The following ZNF507 variants were observed in gnomAD, a reference collection of about 807,000 sequenced individuals.
ZNF507 encodes zinc finger protein 507.
ZNF507 carries 29 observed loss-of-function variants against 80.0 expected under a neutral mutation model. That is an observed-to-expected ratio of 0.36 (90% confidence interval 0.27 to 0.49). The LOEUF is 0.49. ZNF507 is among the 20% of genes least tolerant of loss of function. The probability of loss-of-function intolerance (pLI) is 0.98; values close to 1 mark genes in which losing one functional copy is unlikely to be tolerated. For synonymous variants in ZNF507, 462 were observed against 422.5 expected, an observed-to-expected ratio of 1.09 and a Z score of -1.15; for missense variants, 1,081 against 1,152.2, an observed-to-expected ratio of 0.94 and a Z score of 0.90.
Position 32,352,896 on chromosome 19 carries a change from T to C in ZNF507, c.66T>C (p.Thr22=). 6.2e-7 allele frequency: 1 copy of C among 1,613,122 alleles called. No individual in the cohort carries two copies. Among genetic ancestry groups the C allele is most frequent in the Non-Finnish European group, 8.5e-7 (1 of 1,179,790 alleles). ...TTGGGGAACAGGAAGCTATACTGAC[T>C]GCTGAAAGTATCATCAGTCCTTCAT... ...PDIGEQEAIL[T]AESIISPSLE... The change falls in exon 3 of 7, where the codon ACT becomes ACC. Residue 22 remains threonine (T), a synonymous_variant. Transcript: ENST00000355898.
intron 2 of ZNF507, among the ~76,000 whole-genome samples, chr19:32,350,592 G>A (rs1967150038): frequency 6.6e-6 from 1 of 152,058 alleles, no homozygotes; most frequent in Admixed American, 6.6e-5. Context: ...ATTTGCACTG[G>A]TCTGTGTCAC....
In ZNF507 at chr19:32,363,810, AG is replaced by A. The variant is rs555002813; in HGVS notation, c.2360+3194del. 4.6e-5 allele frequency among the ~76,000 whole-genome samples: 7 copies of A among 152,332 alleles called. No individual in the cohort carries two copies. In the East Asian group the frequency reaches 1.4e-3, roughly 29 times the overall value. On this transcript the variant is annotated intron_variant, in intron 5 of 6. Coordinates refer to ENST00000355898, the MANE Select transcript of ZNF507 (RefSeq NM_001136156.2). ...AGAAGAATTAATTCTGTGCCAGGGTAGGCAGGCAGAGCTCATTTTACAAAAG... is the reference window on the plus strand; with the variant it reads ...AGAAGAATTAATTCTGTGCCAGGGTAGCAGGCAGAGCTCATTTTACAAAAG...
intron 2 of ZNF507, 136 bp from the exon 3 acceptor site, chr19:32,352,693 T>C (rs1370387739): frequency 1.5e-6 from 1 of 685,688 alleles, no homozygotes; most frequent in Non-Finnish European, 2.3e-6. Context: ...TCGCCGGGTG[T>C]GTGGACATGG....
Position 32,356,602 on chromosome 19 carries a change from T to C in ZNF507, c.2128-14T>C. 1 of 1,589,680 alleles carries C rather than the reference T, an allele frequency of 6.3e-7. No homozygotes were observed. The highest frequency in any genetic ancestry group is 8.6e-7 in the Non-Finnish European group (1 of 1,158,588). ...ATATTTATTGAAAATTACATATTTCTTTCCACTTTTTAGAGTCAATTGAGG... is the reference window on the plus strand; with the variant it reads ...ATATTTATTGAAAATTACATATTTCCTTCCACTTTTTAGAGTCAATTGAGG... On this transcript the variant is annotated splice_polypyrimidine_tract_variant and intron_variant, in intron 3 of 6. Transcript: ENST00000355898.
chr19:32,370,280 G>A (rs549004220), intron 5 of ZNF507, among the ~76,000 whole-genome samples: 27 of 152,306 alleles, frequency 1.8e-4, no homozygotes, highest in African/African-American at 5.8e-4. Flanking sequence ...TTTCTGGGTC[G>A]TGTGGTAGTT....
chr19:32,371,638 TTA>T (rs1491174199), intron 5 of ZNF507, among the ~76,000 whole-genome samples: 2 of 73,566 alleles, frequency 2.7e-5, no homozygotes, highest in Non-Finnish European at 6.8e-5. Flanking sequence ...ATTATTATTA[TTA>T]TTATTTTTTT....
chr19:32,375,670 C>G (rs1347726195), intron 5 of ZNF507, among the ~76,000 whole-genome samples: 1 of 152,162 alleles, frequency 6.6e-6, no homozygotes, highest in African/African-American at 2.4e-5. Flanking sequence ...ACAAGATTAG[C>G]AAAATGCCGA....
In ZNF507 at chr19:32,353,762, A is replaced by G; in HGVS notation, c.932A>G (p.Glu311Gly). Residue 311 changes from glutamate to glycine, a missense_variant, in exon 3 of 7, where the codon GAG (glutamate) becomes GGG (glycine). Glu to Gly is a moderately conservative substitution (Grantham distance 98). Around this residue, in one of 6 missense-constraint regions of ZNF507, gnomAD observed 614 missense variants for 583.9 expected, o/e 1.05. Transcript: ENST00000355898. The stretch of plus-strand genomic sequence containing the variant: ...GATGCAGTCGTCATTGCTATTGGAG[A>G]GAGTGAACTGAGTATCCACAATGGG... Reference protein sequence around the residue: ...GVDAVVIAIGESELSIHNGPS... With the variant: ...GVDAVVIAIGGSELSIHNGPS... The G allele has an allele frequency of 6.2e-7, 1 of 1,614,170 alleles. No individual in the cohort carries two copies. Among genetic ancestry groups the G allele is most frequent in the African/African-American group, 1.3e-5 (1 of 75,040 alleles).
chr19:32,349,328 G>A (rs1967133383), intron 2 of ZNF507, among the ~76,000 whole-genome samples: 1 of 152,228 alleles, frequency 6.6e-6, no homozygotes, highest in South Asian at 2.1e-4. Flanking sequence ...AGGATACAGT[G>A]AGCCTAGAGG....
intron 5 of ZNF507, chr19:32,380,485 T>A: frequency 1.0e-6 from 1 of 974,760 alleles, no homozygotes; most frequent in Non-Finnish European, 1.6e-6. Flanking sequence ...ATCACAAAGT[T>A]AAATTGGAGG....
At position 32,352,854 on chromosome 19, in the gene ZNF507, C is replaced by T. The variant is rs746059057; in HGVS notation, c.24C>T (p.Ala8=). The T allele has an allele frequency of 3.0e-5, 48 of 1,588,864 alleles. No individual in the cohort carries two copies. In the South Asian group the frequency reaches 5.5e-4, roughly 18 times the overall value. Reference sequence around the variant, plus strand: ...ATATGGAAGAAAGTAGCAGTGTTGCCATGTTGGTGCCAGATATTGGGGAAC... The same window carrying T: ...ATATGGAAGAAAGTAGCAGTGTTGCTATGTTGGTGCCAGATATTGGGGAAC... MEESSSV[A]MLVPDIGEQE... Residue 8 remains alanine, a synonymous_variant, in exon 3 of 7, where the codon GCC becomes GCT. Coordinates refer to ENST00000355898, the MANE Select transcript of ZNF507 (RefSeq NM_001136156.2).
chr19:32,372,188 G>A lies in ZNF507; in HGVS notation c.2361-10279G>A, dbSNP rs956080852. On this transcript the variant is annotated intron_variant, in intron 5 of 6. Transcript: ENST00000355898. ...ACTCATGGAACATTGTCAAAAGTAGGATTAAAAATCTATAGTATGATTCTA... is the reference window on the plus strand; with the variant it reads ...ACTCATGGAACATTGTCAAAAGTAGAATTAAAAATCTATAGTATGATTCTA... Among the ~76,000 whole-genome samples, 12 of 152,114 alleles carry A rather than the reference G, an allele frequency of 7.9e-5. No homozygotes were observed. The South Asian group carries it at 2.1e-3, about 26-fold the overall frequency.
Position 32,349,762 on chromosome 19 carries a change from T to C in ZNF507, c.-3+2424T>C, listed in dbSNP as rs79330291. On this transcript the variant is annotated intron_variant, in intron 2 of 6. Coordinates refer to ENST00000355898, the MANE Select transcript of ZNF507 (RefSeq NM_001136156.2). ...AACTTCCCCTCTGTGTATACTTTAT[T>C]ATGATCTGTTTAGCCTTTTTATTAT... 1.5e-3 allele frequency among the ~76,000 whole-genome samples: 232 copies of C among 152,298 alleles called. 1 individual carries two copies. Among genetic ancestry groups the C allele is most frequent in the African/African-American group, 5.5e-3 (228 of 41,564 alleles).
At chr19:32,347,096 T>C (rs1026940338) in intron 1 of ZNF507, 149 bp from the exon 2 acceptor site, 1 of 152,240 alleles carries the variant, frequency 6.6e-6, no homozygotes, top group Non-Finnish European at 1.5e-5. Flanking sequence ...TAAATTTGCA[T>C]TACGTAATAG....
intron 5 of ZNF507, among the ~76,000 whole-genome samples, chr19:32,374,926 A>G (rs912063706): frequency 2.0e-5 from 3 of 152,088 alleles, no homozygotes; most frequent in Non-Finnish European, 4.4e-5. Context: ...GCTTGATACT[A>G]GTTTTGGAGT....
intron 3 of ZNF507, 141 bp downstream of exon 3, chr19:32,355,098 A>G (rs1212059677): frequency 6.5e-6 from 5 of 772,394 alleles, no homozygotes; most frequent in Non-Finnish European, 1.0e-5. Flanking sequence ...GCCCAAGGGG[A>G]TCCCAACTTA....
chr19:32,367,521 T>TCTGTTA (rs1646903241), intron 5 of ZNF507, among the ~76,000 whole-genome samples: 1 of 152,246 alleles, frequency 6.6e-6, no homozygotes. Context: ...ACATTTCCAG[T>TCTGTTA]TTAATATAGT....
chr19:32,378,901 C>T (rs1277718178), intron 5 of ZNF507, among the ~76,000 whole-genome samples: 2 of 152,198 alleles, frequency 1.3e-5, no homozygotes, highest in Admixed American at 1.3e-4. Flanking sequence ...AGTGTCTGAA[C>T]AGCCAGCATT....
At chr19:32,351,043 G>T (rs1967156022) in intron 2 of ZNF507, among the ~76,000 whole-genome samples, 1 of 152,168 alleles carries the variant, frequency 6.6e-6, no homozygotes, top group Non-Finnish European at 1.5e-5. Context: ...GATCTAAAAA[G>T]ACTTTTGTTC....
Sources: allele counts gnomAD v4.1 joint callset (sites outside exome capture counted in the v4.1 genomes callset), GRCh38; gene constraint gnomAD v4.1.1; regional missense constraint gnomAD v4.1.1; transcripts MANE v1.5; gene names NCBI Gene and HGNC (gene_info 2026-07-23, HGNC 2026-07-21).